PRR16: variants seen among roughly 807,000 people sequenced by gnomAD.
The protein encoded by PRR16 is protein Largen.
Under a neutral mutation model 18.2 loss-of-function variants are expected in PRR16, and 6 were observed. The ratio of observed to expected loss-of-function variants is 0.33; its 90% CI spans 0.18 to 0.65. The LOEUF (loss-of-function observed/expected upper bound fraction) is 0.65. Among genes scored for constraint, PRR16 ranks in the 30% least tolerant of loss-of-function variants. PRR16 has a pLI of 0.74. For missense variants in PRR16, 412 were observed against 376.6 expected (o/e 1.09, Z -0.78); for synonymous variants, 151 against 147.8 (o/e 1.02, Z -0.16).
chr5:120,644,792 T>G (rs1363327030), intron 1 of PRR16, among the ~76,000 whole-genome samples: 1 of 152,188 alleles, frequency 6.6e-6, no homozygotes, highest in East Asian at 1.9e-4. Context: ...TGAAGGTATT[T>G]GATATGGTGA....
At chr5:120,559,403 A>T (rs1432624768) in intron 1 of PRR16, among the ~76,000 whole-genome samples, 2 of 151,750 alleles carry the variant, frequency 1.3e-5, no homozygotes, top group Non-Finnish European at 2.9e-5. Context: ...TTGAAGATTT[A>T]TTGAAGATAC....
the PRR16 span, among the ~76,000 whole-genome samples, chr5:120,694,580 A>G: frequency 1.3e-5 from 2 of 151,356 alleles, no homozygotes; most frequent in South Asian, 4.2e-4. Flanking sequence ...GCTACTCGGG[A>G]GGCTGAGGCA....
intron 1 of PRR16, among the ~76,000 whole-genome samples, chr5:120,541,644 T>C (rs1442835356): frequency 6.6e-6 from 1 of 152,208 alleles, no homozygotes; most frequent in African/African-American, 2.4e-5. Flanking sequence ...TCAAGGGCAT[T>C]TAAAAATATA....
Position 120,523,290 on chromosome 5 carries a change from A to G in PRR16, c.159+58645A>G, listed in dbSNP as rs565015418. Among the ~76,000 whole-genome samples, 15 of 152,324 alleles carry G rather than the reference A, an allele frequency of 9.8e-5. No individual in the cohort carries two copies. In the East Asian group the frequency reaches 2.3e-3, roughly 23 times the overall value. ...AAAATACTTGAAGGTTTTTAAAGGTATAATTGCCTCTTAGGTTAGATATAT... is the reference window on the plus strand; with the variant it reads ...AAAATACTTGAAGGTTTTTAAAGGTGTAATTGCCTCTTAGGTTAGATATAT... On this transcript the variant is annotated intron_variant, in intron 1 of 1. Coordinates refer to ENST00000407149, the MANE Select transcript of PRR16 (RefSeq NM_001300783.2).
At chr5:120,684,943 G>A (rs1295112806) in intron 1 of PRR16, among the ~76,000 whole-genome samples, 1 of 152,180 alleles carries the variant, frequency 6.6e-6, no homozygotes, top group Non-Finnish European at 1.5e-5. Context: ...CCTGGTACCT[G>A]TAGTAGCCCT....
chr5:120,484,312 A>G (rs997060944), intron 1 of PRR16, among the ~76,000 whole-genome samples: 7 of 145,898 alleles, frequency 4.8e-5, no homozygotes, highest in African/African-American at 1.7e-4. Flanking sequence ...TATATAATAT[A>G]TAATTTATCT....
intron 1 of PRR16, among the ~76,000 whole-genome samples, chr5:120,649,736 A>G (rs920510498): frequency 6.6e-6 from 1 of 152,258 alleles, no homozygotes; most frequent in Admixed American, 6.5e-5. Flanking sequence ...TGGTGAAAAT[A>G]TATTCTTCAG....
chr5:120,655,388 T>TAA lies in PRR16; in HGVS notation c.160-30558_160-30557dup, dbSNP rs1554092374. On this transcript the variant is annotated intron_variant, in intron 1 of 1. Coordinates refer to ENST00000407149, the MANE Select transcript of PRR16 (RefSeq NM_001300783.2). ...CAATAATTGACCTTTTTTTTTTTTT[T>TAA]AAAAAAAAAGAGGTTTTTATGGTCC... is the stretch of plus-strand genomic sequence containing the variant. Among the ~76,000 whole-genome samples, 661 of 143,582 alleles carry TAA rather than the reference T, an allele frequency of 4.6e-3. 8 individuals are homozygous for TAA. Among genetic ancestry groups the TAA allele is most frequent in the African/African-American group, 0.014 (546 of 39,404 alleles). The allele number at this position is 143,582 out of a possible 152,430, so 94.2% of individuals were successfully genotyped here.
At chr5:120,685,363 AG>A (rs1757087993) in intron 1 of PRR16, among the ~76,000 whole-genome samples, 1 of 151,240 alleles carries the variant, frequency 6.6e-6, no homozygotes, top group African/African-American at 2.5e-5. Flanking sequence ...TAGTCATCAA[AG>A]TTTTAGTTGC....
At chr5:120,502,407 G>A (rs979965700) in intron 1 of PRR16, among the ~76,000 whole-genome samples, 1 of 150,422 alleles carries the variant, frequency 6.6e-6, no homozygotes, top group African/African-American at 2.4e-5. Flanking sequence ...TAATCCATTT[G>A]AACTACATGT....
intron 1 of PRR16, among the ~76,000 whole-genome samples, chr5:120,529,811 A>G (rs774832798): frequency 1.8e-4 from 28 of 152,270 alleles, no homozygotes; most frequent in Non-Finnish European, 3.4e-4. Context: ...ATAATTGTCA[A>G]AGGATCTAGT....
intron 1 of PRR16, among the ~76,000 whole-genome samples, chr5:120,468,133 G>A (rs1278777823): frequency 1.3e-5 from 2 of 152,170 alleles, no homozygotes; most frequent in Non-Finnish European, 2.9e-5. Context: ...ATAAAATGAT[G>A]TGTGCTGCAT....
chr5:120,575,146 A>G (rs979907171), intron 1 of PRR16, among the ~76,000 whole-genome samples: 1 of 152,122 alleles, frequency 6.6e-6, no homozygotes, highest in African/African-American at 2.4e-5. Context: ...AAATATAGAG[A>G]ATTTATGACA....
the PRR16 span, among the ~76,000 whole-genome samples, chr5:120,764,958 T>C: frequency 6.6e-6 from 1 of 151,844 alleles, no homozygotes. Flanking sequence ...TCATTTCTCC[T>C]TTTTGAGGAA....
the PRR16 span, among the ~76,000 whole-genome samples, chr5:120,722,209 T>C: frequency 6.6e-6 from 1 of 152,078 alleles, no homozygotes; most frequent in Non-Finnish European, 1.5e-5. Context: ...ACTCATCCTC[T>C]TTTATGGCTG....
chr5:120,682,420 T>C (rs1277458574), intron 1 of PRR16, among the ~76,000 whole-genome samples: 2 of 152,096 alleles, frequency 1.3e-5, no homozygotes, highest in Admixed American at 1.3e-4. Flanking sequence ...AAAGCAGTGT[T>C]TTGTTTGTTT....
At position 120,497,384 on chromosome 5, in the gene PRR16, A is replaced by ATTTTT. The variant is rs765496177; in HGVS notation, c.159+32758_159+32762dup. ...TTGCTTCCCCTGTTTTGATGAACTG[A>ATTTTT]TTTTTTTTTTTTTTTTTTTTTTTGG... On this transcript the variant is annotated intron_variant, in intron 1 of 1. Coordinates refer to ENST00000407149, the MANE Select transcript of PRR16 (RefSeq NM_001300783.2). Among the ~76,000 whole-genome samples, 687 of 84,158 alleles carry ATTTTT rather than the reference A, an allele frequency of 8.2e-3. 67 individuals carry two copies. The highest frequency in any genetic ancestry group is 0.031 in the African/African-American group (567 of 18,346). 55.2% of individuals were successfully genotyped at this position (84,158 alleles called of 152,430 possible).
intron 1 of PRR16, among the ~76,000 whole-genome samples, chr5:120,559,165 T>C (rs1752502435): frequency 6.6e-6 from 1 of 151,966 alleles, no homozygotes; most frequent in Admixed American, 6.6e-5. Context: ...TGATCCCGTT[T>C]GTTTCTTTTT....
At chr5:120,695,398 C>G in the PRR16 span, among the ~76,000 whole-genome samples, 7 of 152,072 alleles carry the variant, frequency 4.6e-5, no homozygotes, top group South Asian at 6.2e-4. Flanking sequence ...CTATAGTTAG[C>G]TTTTCAATCT....
Sources: allele counts gnomAD v4.1 joint callset (sites outside exome capture counted in the v4.1 genomes callset), GRCh38; gene constraint gnomAD v4.1.1; transcripts MANE v1.5; gene names NCBI Gene and HGNC (gene_info 2026-07-23, HGNC 2026-07-21).